The following ADAMTS9 variants were observed in gnomAD, a reference collection of about 807,000 sequenced individuals.
ADAMTS9 encodes A disintegrin and metalloproteinase with thrombospondin motifs 9.
In ADAMTS9, 107 loss-of-function variants were observed where a neutral mutation model predicts 257.1. The ratio of observed to expected loss-of-function variants is 0.42; its 90% confidence interval spans 0.36 to 0.49. The LOEUF is 0.49. ADAMTS9 is among the 20% of genes least tolerant of loss of function. ADAMTS9 has a pLI of 0.03. For synonymous variants in ADAMTS9, 982 were observed against 880.9 expected, an observed-to-expected ratio of 1.11 and a Z score of -2.03; for missense variants, 2,353 against 2,469.1, an observed-to-expected ratio of 0.95 and a Z score of 1.00.
intron 3 of ADAMTS9, among the ~76,000 whole-genome samples, chr3:64,680,967 G>A (rs765388494): frequency 2.0e-5 from 3 of 152,172 alleles, no homozygotes; most frequent in Non-Finnish European, 2.9e-5. Context: ...ACTGCTTTGA[G>A]TTCAAATCCT....
chr3:64,561,529 G>T, intron 30 of ADAMTS9, 49 bp downstream of exon 30: 5 of 1,570,514 alleles, frequency 3.2e-6, no homozygotes, highest in South Asian at 1.2e-5. Context: ...GATAGCAAGG[G>T]GCGCACACGT....
At chr3:64,571,276 C>T (rs905136425) in intron 28 of ADAMTS9, among the ~76,000 whole-genome samples, 22 of 152,182 alleles carry the variant, frequency 1.4e-4, no homozygotes, top group Non-Finnish European at 2.9e-5. Context: ...CAGTGAAACT[C>T]AGTAATAGAG....
At chr3:64,545,406 C>T (rs1361091139) in intron 32 of ADAMTS9, among the ~76,000 whole-genome samples, 3 of 152,212 alleles carry the variant, frequency 2.0e-5, no homozygotes, top group Non-Finnish European at 4.4e-5. Context: ...GGCACATATA[C>T]ACCATGGAGT....
At chr3:64,560,615 GGAT>G (rs1162715675) in intron 30 of ADAMTS9, among the ~76,000 whole-genome samples, 1 of 151,982 alleles carries the variant, frequency 6.6e-6, no homozygotes, top group African/African-American at 2.4e-5. Flanking sequence ...CTGCAAAATG[GGAT>G]GATGATAATA....
chr3:64,585,777 T>G (rs1428121642), intron 28 of ADAMTS9, among the ~76,000 whole-genome samples: 1 of 152,168 alleles, frequency 6.6e-6, no homozygotes, highest in African/African-American at 2.4e-5. Context: ...CAATATGTGC[T>G]TAATACTGGT....
intron 9 of ADAMTS9, chr3:64,650,051 TTA>T: frequency 2.9e-6 from 1 of 339,312 alleles, no homozygotes; most frequent in Non-Finnish European, 5.3e-6. Flanking sequence ...AATTATCTGT[TTA>T]TGTTTGACTA....
intron 3 of ADAMTS9, among the ~76,000 whole-genome samples, chr3:64,665,213 A>T (rs1701324846): frequency 6.6e-6 from 1 of 152,182 alleles, no homozygotes; most frequent in South Asian, 2.1e-4. Context: ...TATTACAAGG[A>T]CATGAGTTAA....
intron 16 of ADAMTS9, among the ~76,000 whole-genome samples, chr3:64,625,473 A>C (rs561891305): frequency 6.6e-6 from 1 of 152,300 alleles, no homozygotes; most frequent in East Asian, 1.9e-4. Context: ...AGCTCTGAAT[A>C]TTTGTGGTTC....
At chr3:64,603,837 C>A in intron 25 of ADAMTS9, 85 bp downstream of exon 25, 4 of 1,430,572 alleles carry the variant, frequency 2.8e-6, no homozygotes, top group Admixed American at 1.9e-5. Flanking sequence ...ATTGACATTT[C>A]CAAGTGGCGC....
rs866870990 is a variant in ADAMTS9 at position 64,639,302 on chromosome 3, T to G, written c.1856+2546A>C. 2.9e-3 allele frequency among the ~76,000 whole-genome samples: 414 copies of G among 144,518 alleles called. 2 individuals are homozygous for G. The highest frequency in any genetic ancestry group is 3.7e-3 in the Non-Finnish European group (248 of 66,484). 94.8% of individuals were successfully genotyped at this position (144,518 alleles called of 152,430 possible). A position where few individuals can be genotyped will look rare whatever the true frequency, so the allele number is the denominator to read the frequency against. ...CTCAACTAGGTGGATTGTTTTTTTT[T>G]TTTTTTTTTTAAAAAAAAAAAAAAA... On this transcript the variant is annotated intron_variant, in intron 12 of 39. Transcript: ENST00000498707.
intron 32 of ADAMTS9, among the ~76,000 whole-genome samples, chr3:64,546,166 C>T (rs1386635905): frequency 6.6e-6 from 1 of 151,912 alleles, no homozygotes; most frequent in Admixed American, 6.6e-5. Context: ...GCCATTATAA[C>T]CTAAGTGCTT....
At position 64,604,237 on chromosome 3, in the gene ADAMTS9, G is replaced by C; in HGVS notation, c.3569C>G (p.Ser1190Cys). The change falls in exon 24 of 40, where the codon TCT becomes TGT. Residue 1190 changes from serine (S) to cysteine (C), a missense_variant. By Grantham distance (112) the Ser-to-Cys change is moderately radical (BLOSUM62 -1). Coordinates refer to ENST00000498707, the MANE Select transcript of ADAMTS9 (RefSeq NM_182920.2). ...CAGTCTATTTCTTACTGGGGTCCAA[G>C]ACCCAAATCGCCACTGGGTTCTTGG... ...SAPRTQWRFG[S>C]WTPCSATCGK... 6.2e-7 allele frequency: 1 copy of C among 1,613,086 alleles called. No individual in the cohort carries two copies. Among genetic ancestry groups the C allele is most frequent in the Non-Finnish European group, 8.5e-7 (1 of 1,179,574 alleles).
chr3:64,568,534 C>T lies in ADAMTS9; in HGVS notation c.4358G>A (p.Cys1453Tyr). ...AAWSTGPWSSCSVSCGRGHKQ... is the reference protein window; with the variant it reads ...AAWSTGPWSSYSVSCGRGHKQ... ...ATGCCCTCGACCACAAGAGACAGAACACTGCAATATAAAGCAATGGCAAGG... is the reference window on the plus strand; with the variant it reads ...ATGCCCTCGACCACAAGAGACAGAATACTGCAATATAAAGCAATGGCAAGG... Residue 1453 changes from cysteine to tyrosine, a missense_variant and splice_region_variant, in exon 29 of 40, where the codon TGT becomes TAT. Physicochemically the swap from Cys to Tyr is radical, Grantham distance 194. Coordinates refer to ENST00000498707, the MANE Select transcript of ADAMTS9 (RefSeq NM_182920.2). 6.2e-7 allele frequency: 1 copy of T among 1,613,406 alleles called. No individual in the cohort carries two copies. The highest frequency in any genetic ancestry group is 1.1e-5 in the South Asian group (1 of 90,872).
intron 28 of ADAMTS9, among the ~76,000 whole-genome samples, chr3:64,577,701 TTGACA>T (rs144212595): frequency 0.039 from 5,992 of 152,248 alleles, 272 homozygotes; most frequent in African/African-American, 0.1. Context: ...GCAGACCCAC[TTGACA>T]TGACTTATGC....
intron 23 of ADAMTS9, among the ~76,000 whole-genome samples, chr3:64,605,438 T>C (rs1012555054): frequency 6.6e-6 from 1 of 152,326 alleles, no homozygotes; most frequent in African/African-American, 2.4e-5. Context: ...GATGACAACA[T>C]GAACAGCACT....
intron 28 of ADAMTS9, among the ~76,000 whole-genome samples, chr3:64,569,871 A>T (rs906807349): frequency 2.6e-5 from 4 of 152,186 alleles, no homozygotes; most frequent in Non-Finnish European, 5.9e-5. Flanking sequence ...TACAGGATGG[A>T]AGGAAGCCAT....
chr3:64,637,204 A>T (rs1476251973), intron 12 of ADAMTS9, among the ~76,000 whole-genome samples: 1 of 152,240 alleles, frequency 6.6e-6, no homozygotes, highest in Non-Finnish European at 1.5e-5. Context: ...GTAATAGAGA[A>T]AGCTTCAGCC....
At chr3:64,543,964 T>A (rs2083162595) in intron 32 of ADAMTS9, among the ~76,000 whole-genome samples, 1 of 152,214 alleles carries the variant, frequency 6.6e-6, no homozygotes, top group Admixed American at 6.5e-5. Flanking sequence ...AGCATTCTTA[T>A]ACACCAATAA....
chr3:64,621,539 A>G (rs983960460), intron 18 of ADAMTS9, among the ~76,000 whole-genome samples: 5 of 152,230 alleles, frequency 3.3e-5, no homozygotes, highest in African/African-American at 1.2e-4. Flanking sequence ...AGGTGGGCGG[A>G]TCATCTGAGG....
Sources: gnomAD v4.1 joint callset for allele counts (sites outside exome capture counted in the v4.1 genomes callset) on GRCh38, gnomAD v4.1.1 for gene constraint, MANE v1.5 for transcripts, NCBI Gene and HGNC (gene_info 2026-07-23, HGNC 2026-07-21) for gene names.